The following LARS2 variants were observed in gnomAD, a reference collection of about 807,000 sequenced individuals.
LARS2 encodes leucyl-tRNA synthetase 2, mitochondrial.
In LARS2, 81 loss-of-function variants were observed where a neutral mutation model predicts 116.6. The observed-to-expected ratio is 0.69, with a 90% CI of 0.58 to 0.84. The LOEUF (loss-of-function observed/expected upper bound fraction) is 0.84. LARS2 is among the 40% of genes least tolerant of loss of function. The pLI is 0.00. For synonymous variants in LARS2, 396 were observed against 407.2 expected (o/e 0.97, Z 0.33); for missense variants, 968 against 1,114.5 (o/e 0.87, Z 1.87).
At chr3:45,398,528 G>A (rs1698088445) in intron 3 of LARS2, among the ~76,000 whole-genome samples, 1 of 152,222 alleles carries the variant, frequency 6.6e-6, no homozygotes, top group Non-Finnish European at 1.5e-5. Flanking sequence ...AAAACAGAAG[G>A]CAGAAATAAA....
intron 4 of LARS2, among the ~76,000 whole-genome samples, chr3:45,414,705 C>G (rs1451418019): frequency 6.6e-6 from 1 of 151,310 alleles, no homozygotes; most frequent in East Asian, 1.9e-4. Flanking sequence ...ACTTCAGCCT[C>G]GGCAACCAAA....
chr3:45,518,486 A>C (rs141615717), intron 18 of LARS2, among the ~76,000 whole-genome samples: 59 of 152,278 alleles, frequency 3.9e-4, no homozygotes, highest in Middle Eastern at 3.4e-3. Context: ...GCATTAAGAA[A>C]CTATCCTCTG....
At chr3:45,468,690 G>T (rs544166739) in intron 8 of LARS2, among the ~76,000 whole-genome samples, 2 of 152,210 alleles carry the variant, frequency 1.3e-5, no homozygotes, top group Non-Finnish European at 2.9e-5. Flanking sequence ...GAAAAGGTGG[G>T]TCAGAGGGGG....
chr3:45,441,531 C>A (rs1698912072), intron 6 of LARS2, among the ~76,000 whole-genome samples: 1 of 152,218 alleles, frequency 6.6e-6, no homozygotes, highest in Non-Finnish European at 1.5e-5. Flanking sequence ...GCTCCAGGGT[C>A]TTTCCTGAGA....
Position 45,548,265 on chromosome 3 carries a change from C to T in LARS2, c.*735C>T, listed in dbSNP as rs1483258804. ...ACACAGGATCCCAGGCAAGGCACCA[C>T]TTCCTCACATGAATGAGGAGCAGCA... On this transcript the variant is annotated 3_prime_UTR_variant, in exon 22 of 22. Transcript: ENST00000645846. 3 of 152,440 alleles carry T rather than the reference C, an allele frequency of 2.0e-5. No individual in the cohort carries two copies. Among genetic ancestry groups the T allele is most frequent in the African/African-American group, 4.8e-5 (2 of 41,598 alleles). The allele number at this position is 152,440 out of a possible 1,614,324, so 9.4% of individuals were successfully genotyped here.
At chr3:45,431,118 C>G (rs560577590) in intron 6 of LARS2, among the ~76,000 whole-genome samples, 1 of 152,252 alleles carries the variant, frequency 6.6e-6, no homozygotes, top group South Asian at 2.1e-4. Flanking sequence ...AAGGACACAG[C>G]AATATGACAG....
intron 10 of LARS2, among the ~76,000 whole-genome samples, chr3:45,478,890 C>T (rs890695430): frequency 3.9e-5 from 6 of 152,202 alleles, no homozygotes; most frequent in African/African-American, 1.4e-4. Flanking sequence ...ATTCAGATTA[C>T]CTAGGAATGT....
intron 6 of LARS2, among the ~76,000 whole-genome samples, chr3:45,441,920 G>A (rs1160733357): frequency 1.3e-5 from 2 of 152,184 alleles, no homozygotes; most frequent in African/African-American, 4.8e-5. Flanking sequence ...AGGTATTACA[G>A]AATGTAGAAA....
rs920896030 is a variant in LARS2 at position 45,487,374 on chromosome 3, A to G, written c.1124-1323A>G. 3.9e-5 allele frequency among the ~76,000 whole-genome samples: 6 copies of G among 152,312 alleles called. 1 individual carries two copies. Among genetic ancestry groups the G allele is most frequent in the Middle Eastern group, 6.8e-3 (2 of 294 alleles). On this transcript the variant is annotated intron_variant, in intron 11 of 21. Transcript: ENST00000645846. ...CAGCTAGAACACTACAAAACTTTCC[A>G]TCATGTCACAGAGCTTTTCATCATG...
At chr3:45,526,814 T>TGTTA (rs1343900534) in intron 20 of LARS2, among the ~76,000 whole-genome samples, 1 of 152,166 alleles carries the variant, frequency 6.6e-6, no homozygotes, top group African/African-American at 2.4e-5. Flanking sequence ...GGCCAGCAGA[T>TGTTA]GTTAGTTACT....
chr3:45,408,109 G>C lies in LARS2; in HGVS notation c.363+7736G>C, dbSNP rs1229957684. ...AGGCAATAACCTCTGGCATTTTCCAGGTTATATGCCTTTAGAGCCTTCTCT... is the reference window on the plus strand; with the variant it reads ...AGGCAATAACCTCTGGCATTTTCCACGTTATATGCCTTTAGAGCCTTCTCT... On this transcript the variant is annotated intron_variant, in intron 4 of 21. Transcript: ENST00000645846. 3.3e-5 allele frequency among the ~76,000 whole-genome samples: 5 copies of C among 152,306 alleles called. No homozygotes were observed. In the East Asian group the frequency reaches 9.6e-4, roughly 29 times the overall value.
Position 45,547,402 on chromosome 3 carries a change from G to A in LARS2, c.2584G>A (p.Asp862Asn). Residue 862 changes from aspartate to asparagine, a missense_variant, in exon 22 of 22, where the codon GAC becomes AAC. Transcript: ENST00000645846. ...KIPVPQQVAR[D>N]QDKVHEFVLQ... ...TCCTGTGCCCCAACAAGTTGCCCGG[G>A]ACCAGGACAAAGTCCACGAATTTGT... The A allele has an allele frequency of 6.2e-7, 1 of 1,613,486 alleles. No individual in the cohort carries two copies. Among genetic ancestry groups the A allele is most frequent in the Non-Finnish European group, 8.5e-7 (1 of 1,179,806 alleles).
chr3:45,457,287 G>T (rs894198023), intron 7 of LARS2, among the ~76,000 whole-genome samples: 3 of 152,238 alleles, frequency 2.0e-5, no homozygotes, highest in Non-Finnish European at 4.4e-5. Context: ...AATGCAGGTC[G>T]CAGAGGTCAA....
At chr3:45,398,746 G>A (rs1280105226) in intron 3 of LARS2, among the ~76,000 whole-genome samples, 2 of 152,118 alleles carry the variant, frequency 1.3e-5, no homozygotes, top group African/African-American at 4.8e-5. Flanking sequence ...TCAGGCTTTT[G>A]GAGCACAAAG....
chr3:45,513,106 T>C lies in LARS2; in HGVS notation c.1761-29T>C, dbSNP rs1195682196. On this transcript the variant is annotated intron_variant, in intron 15 of 21. Coordinates refer to ENST00000645846, the MANE Select transcript of LARS2 (RefSeq NM_015340.4). ...TCAATGCCTCATGTCCCACTCCTCC[T>C]GTTTTCTTTTCCTGTCATCTTTCCT... 7 of 1,450,662 alleles carry C rather than the reference T, an allele frequency of 4.8e-6. No homozygotes were observed. In the South Asian group the frequency reaches 8.0e-5, roughly 17 times the overall value. The allele number at this position is 1,450,662 out of a possible 1,614,324, so 89.9% of individuals were successfully genotyped here. A position where few individuals can be genotyped will look rare whatever the true frequency, so the allele number is the denominator to read the frequency against.
intron 15 of LARS2, 84 bp from the exon 16 acceptor site, chr3:45,513,051 A>G: frequency 3.3e-6 from 3 of 916,306 alleles, no homozygotes; most frequent in Admixed American, 3.4e-5. Flanking sequence ...ACTTCTGCCC[A>G]TCCGAGGGAA....
chr3:45,487,362 AC>A (rs1699833347), intron 11 of LARS2, among the ~76,000 whole-genome samples: 1 of 152,212 alleles, frequency 6.6e-6, no homozygotes, highest in Non-Finnish European at 1.5e-5. Flanking sequence ...CTAGAACACT[AC>A]AAAACTTTCC....
At chr3:45,472,617 T>C (rs1699545657) in intron 8 of LARS2, among the ~76,000 whole-genome samples, 1 of 152,100 alleles carries the variant, frequency 6.6e-6, no homozygotes, top group Non-Finnish European at 1.5e-5. Flanking sequence ...TTAGTTAGAG[T>C]ATGATAAGCT....
chr3:45,527,648 C>T (rs1700551527), intron 20 of LARS2, among the ~76,000 whole-genome samples: 2 of 151,764 alleles, frequency 1.3e-5, no homozygotes, highest in South Asian at 4.2e-4. Flanking sequence ...GAAATCTTAT[C>T]TTTAGGGAGA....
Sources: gnomAD v4.1 joint callset for allele counts (sites outside exome capture counted in the v4.1 genomes callset) on GRCh38, gnomAD v4.1.1 for gene constraint, MANE v1.5 for transcripts, NCBI Gene and HGNC (gene_info 2026-07-23, HGNC 2026-07-21) for gene names.